The following CRACDL variants were observed in gnomAD, a reference collection of about 807,000 sequenced individuals.
CRACDL encodes CRACD like, also known as CRACD-like protein.
A neutral mutation model predicts 70.6 loss-of-function variants in CRACDL; 26 were observed. The ratio of observed to expected loss-of-function variants is 0.37; its 90% CI spans 0.27 to 0.51. The LOEUF (loss-of-function observed/expected upper bound fraction) is 0.51. CRACDL is among the 20% of genes least tolerant of loss of function. The pLI, the probability that CRACDL is intolerant of heterozygous loss-of-function variation, is 0.94. For synonymous variants in CRACDL, 618 were observed against 615.2 expected (o/e 1.00, Z -0.07); for missense variants, 1,283 against 1,376.9 (o/e 0.93, Z 1.08).
At chr2:98,920,251 G>T (rs576458697) in intron 1 of CRACDL, among the ~76,000 whole-genome samples, 14 of 152,196 alleles carry the variant, frequency 9.2e-5, no homozygotes, top group African/African-American at 3.4e-4. Context: ...TCATTATCCG[G>T]ATTGTACACA....
chr2:98,857,262 A>C (rs113053618), intron 1 of CRACDL, among the ~76,000 whole-genome samples: 11 of 152,296 alleles, frequency 7.2e-5, no homozygotes, highest in African/African-American at 2.4e-4. Context: ...AAAAACAAAA[A>C]TGGTAAGAGG....
chr2:98,826,781 C>T (rs867619500), intron 6 of CRACDL, among the ~76,000 whole-genome samples, 194 bp downstream of exon 6: 4 of 152,006 alleles, frequency 2.6e-5, no homozygotes, highest in African/African-American at 9.7e-5. Context: ...AGCATTTCTG[C>T]AAGGGAGAGA....
intron 4 of CRACDL, among the ~76,000 whole-genome samples, 159 bp downstream of exon 4, chr2:98,832,703 A>G (rs1193367020): frequency 6.6e-6 from 1 of 152,172 alleles, no homozygotes; most frequent in Non-Finnish European, 1.5e-5. Context: ...GAATGAGTCG[A>G]GATCCCACTG....
chr2:98,848,499 G>A (rs922247306), intron 1 of CRACDL, among the ~76,000 whole-genome samples: 5 of 152,174 alleles, frequency 3.3e-5, no homozygotes, highest in Non-Finnish European at 7.4e-5. Flanking sequence ...CTGCCACTGA[G>A]CTCTAGCTCA....
Position 98,822,591 on chromosome 2 carries a change from G to A in CRACDL, c.1682C>T (p.Ala561Val). ...GAERAAPERK[A>V]ERGGAELRGA... ...TCGCAGCTCGGCACCGCCCCTCTCC[G>A]CCTTCCGCTCTGGCGCCGCCCTCTC... The change falls in exon 7 of 10, where the codon GCG (alanine) becomes GTG (valine). Residue 561 changes from alanine (A) to valine (V), a missense_variant. Physicochemically the swap from Ala to Val is moderately conservative, Grantham distance 64. Transcript: ENST00000397899. This position sits in a 1 kb window ranked among gnomAD's most constrained non-coding sequence, Gnocchi z 4.9. 7.0e-7 allele frequency: 1 copy of A among 1,435,854 alleles called. No homozygotes were observed. Among genetic ancestry groups the A allele is most frequent in the South Asian group, 1.4e-5 (1 of 72,352 alleles). The allele number at this position is 1,435,854 out of a possible 1,614,324, so 88.9% of individuals were successfully genotyped here.
At chr2:98,804,248 A>C (rs188628882) in intron 7 of CRACDL, among the ~76,000 whole-genome samples, 1 of 152,322 alleles carries the variant, frequency 6.6e-6, no homozygotes, top group Non-Finnish European at 1.5e-5. Context: ...TAATGACAGG[A>C]GACGGTGCTG....
intron 1 of CRACDL, among the ~76,000 whole-genome samples, chr2:98,866,732 G>T (rs553358142): frequency 6.6e-6 from 1 of 151,344 alleles, no homozygotes; most frequent in Non-Finnish European, 1.5e-5. Flanking sequence ...GACCTCAGGT[G>T]ATCCCCCGCC....
chr2:98,852,228 C>T (rs944186329), intron 1 of CRACDL, among the ~76,000 whole-genome samples: 12 of 152,242 alleles, frequency 7.9e-5, no homozygotes, highest in African/African-American at 2.6e-4. Flanking sequence ...CCCCTGAATT[C>T]TGCACATACT....
chr2:98,801,720 T>C (rs1409159519), intron 7 of CRACDL, among the ~76,000 whole-genome samples: 1 of 152,194 alleles, frequency 6.6e-6, no homozygotes, highest in Non-Finnish European at 1.5e-5. Context: ...CCACTGTCTA[T>C]ACCTCTCAGC....
rs772311196 is a variant in CRACDL, at chr2:98,821,952, G to C, written c.2321C>G (p.Pro774Arg). ...GGCGTCGGGGGGCGCGGGCTGGTGCGGGAGCGTGAAGCTCTGCAGAAGCGG... is the reference window on the plus strand; with the variant it reads ...GGCGTCGGGGGGCGCGGGCTGGTGCCGGAGCGTGAAGCTCTGCAGAAGCGG... ...RKPLLQSFTL[P>R]HQPAPPDAGP... The change falls in exon 7 of 10, where the codon CCG (proline) becomes CGG (arginine). Residue 774 changes from proline to arginine, a missense_variant. Transcript: ENST00000397899. The C allele has an allele frequency of 1.3e-6, 2 of 1,551,768 alleles. No individual in the cohort carries two copies. The highest frequency in any genetic ancestry group is 2.0e-5 in the Admixed American group (1 of 49,798).
intron 1 of CRACDL, among the ~76,000 whole-genome samples, chr2:98,916,091 G>A (rs1708658415): frequency 6.6e-6 from 1 of 152,224 alleles, no homozygotes; most frequent in South Asian, 2.1e-4. Flanking sequence ...TACAAAAAGG[G>A]GAGACTTTCC....
At chr2:98,863,255 G>A (rs1300141859) in intron 1 of CRACDL, among the ~76,000 whole-genome samples, 3 of 152,124 alleles carry the variant, frequency 2.0e-5, no homozygotes, top group African/African-American at 4.8e-5. Flanking sequence ...TATGTTCAAA[G>A]TGTGAAAAGA....
intron 1 of CRACDL, among the ~76,000 whole-genome samples, chr2:98,921,369 T>C (rs1456922859): frequency 6.6e-6 from 1 of 152,196 alleles, no homozygotes; most frequent in African/African-American, 2.4e-5. Flanking sequence ...TGGCCTTCCT[T>C]GAATAATACA....
At position 98,822,926 on chromosome 2, in the gene CRACDL, C is replaced by T; in HGVS notation, c.1347G>A (p.Glu449=). The T allele has an allele frequency of 6.8e-7, 1 of 1,467,736 alleles. No homozygotes were observed. The highest frequency in any genetic ancestry group is 9.0e-7 in the Non-Finnish European group (1 of 1,117,046). 90.9% of individuals were successfully genotyped at this position (1,467,736 alleles called of 1,614,324 possible). A position where few individuals can be genotyped will look rare whatever the true frequency, so the allele number is the denominator to read the frequency against. Residue 449 remains glutamate (E), a synonymous_variant, in exon 7 of 10, where the codon GAG becomes GAA. Coordinates refer to ENST00000397899, the MANE Select transcript of CRACDL (RefSeq NM_207362.3). The surrounding 1 kb of genome is among the most constrained non-coding windows in gnomAD (Gnocchi z 4.9). ...AEPTPPVLPD[E]EKGPPGPAPE... is the part of the protein sequence containing the mutation. ...GCGCCGGCCCTGGGGGCCCCTTCTC[C>T]TCATCCGGGAGCACGGGCGGCGTCG...
At position 98,794,414 on chromosome 2, in the gene CRACDL, T is replaced by C. The variant is rs116611612; in HGVS notation, c.*118A>G. ...TCCTTCCTCTTCCCCAAGTTCGTCATAACTTGATGATAAAATCAATCTTTA... is the reference window on the plus strand; with the variant it reads ...TCCTTCCTCTTCCCCAAGTTCGTCACAACTTGATGATAAAATCAATCTTTA... On this transcript the variant is annotated 3_prime_UTR_variant, in exon 10 of 10. Transcript: ENST00000397899. The C allele has an allele frequency of 7.6e-3, 7,354 of 968,846 alleles. 38 individuals carry two copies. Among genetic ancestry groups the C allele is most frequent in the Non-Finnish European group, 0.01 (6,643 of 635,912 alleles). 60.0% of individuals were successfully genotyped at this position (968,846 alleles called of 1,614,324 possible).
At chr2:98,931,107 T>C (rs1709061668) in intron 1 of CRACDL, among the ~76,000 whole-genome samples, 1 of 152,038 alleles carries the variant, frequency 6.6e-6, no homozygotes, top group African/African-American at 2.4e-5. Context: ...GGTGGATCAC[T>C]TGAGGTCAGG....
intron 1 of CRACDL, among the ~76,000 whole-genome samples, chr2:98,910,782 G>T (rs1009244602): frequency 3.3e-5 from 5 of 152,202 alleles, no homozygotes; most frequent in African/African-American, 1.2e-4. Context: ...CCTCGGCCAG[G>T]GTTTGCCCTG....
At chr2:98,850,279 G>C (rs1345535520) in intron 1 of CRACDL, among the ~76,000 whole-genome samples, 4 of 152,332 alleles carry the variant, frequency 2.6e-5, no homozygotes, top group South Asian at 2.1e-4. Flanking sequence ...GAGTCCGCAG[G>C]CTGCAAAGGT....
At chr2:98,923,727 C>CT (rs1708854571) in intron 1 of CRACDL, among the ~76,000 whole-genome samples, 1 of 152,186 alleles carries the variant, frequency 6.6e-6, no homozygotes, top group African/African-American at 2.4e-5. Flanking sequence ...TTCACAGTGT[C>CT]TGTCTTTTTG....
Sources: gnomAD v4.1 joint callset for allele counts (sites outside exome capture counted in the v4.1 genomes callset) on GRCh38, gnomAD v4.1.1 for gene constraint, Gnocchi (gnomAD v3.1) non-coding constraint, MANE v1.5 for transcripts, NCBI Gene and HGNC (gene_info 2026-07-23, HGNC 2026-07-21) for gene names.